Variants in ADCY2 observed in about 807,000 individuals in gnomAD.
The protein encoded by ADCY2 is adenylate cyclase 2, also known as adenylate cyclase type 2.
In ADCY2, 31 loss-of-function variants were observed where a neutral mutation model predicts 125.2. That is an observed-to-expected ratio of 0.25 (90% CI 0.19 to 0.33). The LOEUF is 0.33. ADCY2 is among the 10% of genes least tolerant of loss of function. The pLI is 1.00. For missense variants in ADCY2, 904 were observed against 1,418.2 expected, an observed-to-expected ratio of 0.64 and a Z score of 5.82; for synonymous variants, 512 against 548.4, an observed-to-expected ratio of 0.93 and a Z score of 0.93.
intron 2 of ADCY2, among the ~76,000 whole-genome samples, chr5:7,499,293 A>T (rs768140378): frequency 6.6e-5 from 10 of 152,146 alleles, no homozygotes; most frequent in Non-Finnish European, 4.4e-5. Flanking sequence ...GGCATGAGCC[A>T]CTGTGCCTGG....
At chr5:7,742,050 G>A (rs193019590) in intron 14 of ADCY2, among the ~76,000 whole-genome samples, 105 of 146,318 alleles carry the variant, frequency 7.2e-4, no homozygotes, top group Non-Finnish European at 1.9e-4. Context: ...AAAAAAAGAC[G>A]AAATGTTGTT....
chr5:7,779,944 G>A (rs1743863610), intron 18 of ADCY2, among the ~76,000 whole-genome samples: 1 of 152,204 alleles, frequency 6.6e-6, no homozygotes, highest in South Asian at 2.1e-4. Context: ...CGGAGCGTGG[G>A]AACCCTGGCT....
chr5:7,545,753 C>T lies in ADCY2; in HGVS notation c.570+24854C>T, dbSNP rs557640081. The stretch of plus-strand genomic sequence containing the variant: ...TTCAGCATGCGGTCGGTGGGTTACA[C>T]GCCAACCGATAAACAGCCCTTTTGC... On this transcript the variant is annotated intron_variant, in intron 3 of 24. Transcript: ENST00000338316. Among the ~76,000 whole-genome samples the T allele has an allele frequency of 1.5e-3, 230 of 152,238 alleles. 1 individual carries two copies. The highest frequency in any genetic ancestry group is 2.6e-3 in the Non-Finnish European group (174 of 68,020).
At chr5:7,776,384 G>A (rs1258835917) in intron 18 of ADCY2, among the ~76,000 whole-genome samples, 2 of 152,018 alleles carry the variant, frequency 1.3e-5, no homozygotes, top group Admixed American at 6.6e-5. Context: ...TTGGTGACCT[G>A]TCTCTGGGCG....
Position 7,396,627 on chromosome 5 carries a change from GC to G in ADCY2, c.210+122del, listed in dbSNP as rs1247053339. On this transcript the variant is annotated intron_variant, in intron 1 of 24. Transcript: ENST00000338316. This position sits in a 1 kb window ranked among gnomAD's most constrained non-coding sequence, Gnocchi z 5.7. ...GCCCGCGGCAGCCCCTCGGCCCGCGGCAGCCCCTCGGCCCGCGGCTCCCTGC... is the reference window on the plus strand; with the variant it reads ...GCCCGCGGCAGCCCCTCGGCCCGCGGAGCCCCTCGGCCCGCGGCTCCCTGC... 504 of 654,184 alleles carry G rather than the reference GC, an allele frequency of 7.7e-4. 4 individuals carry two copies. In the African/African-American group the frequency reaches 8.8e-3, roughly 11 times the overall value. The allele number at this position is 654,184 out of a possible 1,614,324, so 40.5% of individuals were successfully genotyped here. A position where few individuals can be genotyped will look rare whatever the true frequency, so the allele number is the denominator to read the frequency against.
intron 4 of ADCY2, among the ~76,000 whole-genome samples, chr5:7,630,431 C>A (rs1421928565): frequency 6.6e-6 from 1 of 152,112 alleles, no homozygotes; most frequent in Non-Finnish European, 1.5e-5. Flanking sequence ...AGTACTATTT[C>A]TTTAAGTTTT....
chr5:7,727,292 C>T (rs766083120), intron 14 of ADCY2, 31 bp downstream of exon 14: 1 of 1,579,216 alleles, frequency 6.3e-7, no homozygotes, highest in South Asian at 1.1e-5. Flanking sequence ...CTGGGATTCT[C>T]ACCTGGGGTG....
Position 7,424,148 on chromosome 5 carries a change from C to T in ADCY2, c.408+9378C>T, listed in dbSNP as rs114797213. Among the ~76,000 whole-genome samples, 376 of 152,328 alleles carry T rather than the reference C, an allele frequency of 2.5e-3. 1 individual carries two copies. Among genetic ancestry groups the T allele is most frequent in the Admixed American group, 6.5e-3 (100 of 15,302 alleles). ...CCAGTGCACAACACAGCACCACACACGTAGTGATCACATCGCAAAAATTGT... is the reference window on the plus strand; with the variant it reads ...CCAGTGCACAACACAGCACCACACATGTAGTGATCACATCGCAAAAATTGT... On this transcript the variant is annotated intron_variant, in intron 2 of 24. Transcript: ENST00000338316.
intron 3 of ADCY2, among the ~76,000 whole-genome samples, chr5:7,524,014 T>C (rs1734354368): frequency 6.6e-6 from 1 of 152,192 alleles, no homozygotes; most frequent in Non-Finnish European, 1.5e-5. Context: ...AAATATTCAC[T>C]TAAGATAAAT....
intron 3 of ADCY2, among the ~76,000 whole-genome samples, chr5:7,560,490 C>T (rs750982959): frequency 5.3e-5 from 8 of 152,124 alleles, no homozygotes; most frequent in Non-Finnish European, 4.4e-5. Flanking sequence ...GTCTTTATCT[C>T]ATATCTACCT....
intron 2 of ADCY2, among the ~76,000 whole-genome samples, chr5:7,450,816 G>T (rs1741444259): frequency 6.6e-6 from 1 of 152,106 alleles, no homozygotes; most frequent in African/African-American, 2.4e-5. Context: ...CTTAAAAATT[G>T]TTAATTTTAT....
At chr5:7,436,028 T>C (rs925035073) in intron 2 of ADCY2, among the ~76,000 whole-genome samples, 8 of 152,254 alleles carry the variant, frequency 5.3e-5, no homozygotes, top group African/African-American at 1.7e-4. Flanking sequence ...TCCATATTTG[T>C]GAATTTACCT....
At chr5:7,451,955 A>G (rs1344188615) in intron 2 of ADCY2, among the ~76,000 whole-genome samples, 2 of 152,094 alleles carry the variant, frequency 1.3e-5, no homozygotes, top group African/African-American at 2.4e-5. Context: ...TCTATTGCCC[A>G]GTCTGGAGTG....
intron 3 of ADCY2, among the ~76,000 whole-genome samples, chr5:7,559,693 C>A (rs1371064575): frequency 2.2e-4 from 33 of 152,118 alleles, no homozygotes; most frequent in Admixed American, 2.2e-3. Context: ...TAGCCCTGGC[C>A]AGAGCTTCTA....
intron 2 of ADCY2, among the ~76,000 whole-genome samples, chr5:7,446,629 C>T (rs77887838): frequency 0.013 from 1,997 of 152,000 alleles, 19 homozygotes; most frequent in Middle Eastern, 0.027. Flanking sequence ...GTTTTGTAAC[C>T]CGAAAGTCTT....
At chr5:7,746,182 G>A (rs1470099850) in intron 15 of ADCY2, 1 of 152,442 alleles carries the variant, frequency 6.6e-6, no homozygotes, top group Non-Finnish European at 1.5e-5. Flanking sequence ...AGATTTCAAT[G>A]CTACAAATGC....
intron 2 of ADCY2, among the ~76,000 whole-genome samples, chr5:7,481,408 A>G (rs1742725499): frequency 6.6e-6 from 1 of 152,044 alleles, no homozygotes; most frequent in South Asian, 2.1e-4. Flanking sequence ...CTGGGACTAC[A>G]GGCGCCTGCC....
At chr5:7,599,821 A>G (rs1415819488) in intron 3 of ADCY2, among the ~76,000 whole-genome samples, 1 of 152,186 alleles carries the variant, frequency 6.6e-6, no homozygotes, top group Admixed American at 6.5e-5. Flanking sequence ...GGAGGAAGGA[A>G]TTAGAAATGT....
intron 2 of ADCY2, among the ~76,000 whole-genome samples, chr5:7,489,113 C>T (rs1039568794): frequency 2.0e-5 from 3 of 152,200 alleles, no homozygotes; most frequent in African/African-American, 7.2e-5. Flanking sequence ...GGCTCTCCCA[C>T]TCCCATTTCT....
Sources: allele counts gnomAD v4.1 joint callset (sites outside exome capture counted in the v4.1 genomes callset), GRCh38; gene constraint gnomAD v4.1.1; non-coding constraint Gnocchi (gnomAD v3.1); transcripts MANE v1.5; gene names NCBI Gene and HGNC (gene_info 2026-07-23, HGNC 2026-07-21).